Variants in FBXL7 observed in about 807,000 individuals in gnomAD.
FBXL7 encodes the protein F-box/LRR-repeat protein 7.
Under a neutral mutation model 38.3 loss-of-function variants are expected in FBXL7, and 12 were observed. The observed-to-expected ratio is 0.31, with a 90% CI of 0.20 to 0.51. The LOEUF (loss-of-function observed/expected upper bound fraction) is 0.51, where lower values mean the gene tolerates loss of function less well. Ranked by LOEUF, FBXL7 falls within the 20% of genes least tolerant of loss-of-function variation. FBXL7 has a pLI of 0.98. For missense variants in FBXL7, 567 were observed against 676.4 expected, an observed-to-expected ratio of 0.84 and a Z score of 1.79; for synonymous variants, 297 against 300.9, an observed-to-expected ratio of 0.99 and a Z score of 0.13.
chr5:15,759,550 C>G (rs1736387734), intron 2 of FBXL7, among the ~76,000 whole-genome samples: 1 of 152,002 alleles, frequency 6.6e-6, no homozygotes, highest in Non-Finnish European at 1.5e-5. Context: ...TGAAATTATG[C>G]TTTGTAAAAT....
At chr5:15,518,150 C>T (rs746571645) in intron 1 of FBXL7, among the ~76,000 whole-genome samples, 10 of 152,126 alleles carry the variant, frequency 6.6e-5, no homozygotes, top group Admixed American at 3.3e-4. Context: ...ACCACCATGC[C>T]GGGCTAATTT....
At chr5:15,609,450 T>C (rs1740148337) in intron 1 of FBXL7, among the ~76,000 whole-genome samples, 1 of 152,220 alleles carries the variant, frequency 6.6e-6, no homozygotes, top group Non-Finnish European at 1.5e-5. Context: ...GTGTCTTTTG[T>C]GAGTGAATGT....
At chr5:15,918,082 T>C (rs1741646459) in intron 2 of FBXL7, among the ~76,000 whole-genome samples, 1 of 151,794 alleles carries the variant, frequency 6.6e-6, no homozygotes, top group Non-Finnish European at 1.5e-5. Context: ...CTACAAAAAA[T>C]ACAAAAATTA....
chr5:15,869,760 A>T (rs1361928336), intron 2 of FBXL7, among the ~76,000 whole-genome samples: 1 of 152,148 alleles, frequency 6.6e-6, no homozygotes, highest in Non-Finnish European at 1.5e-5. Context: ...TTGGGAATAC[A>T]TATTGTTGCT....
In FBXL7 at chr5:15,928,531, G is replaced by C. The variant is rs748554348; in HGVS notation, c.739+30G>C. The C allele has an allele frequency of 6.3e-7, 1 of 1,583,194 alleles. No homozygotes were observed. The highest frequency in any genetic ancestry group is 1.3e-5 in the African/African-American group (1 of 74,520). ...ATGGACACTGACCTACCAGCTATGG[G>C]CCCTCCTGGTGCACCATCCTAAAAC... On this transcript the variant is annotated intron_variant, in intron 3 of 3. Coordinates refer to ENST00000504595, the MANE Select transcript of FBXL7 (RefSeq NM_012304.5). The surrounding 1 kb of genome is among the most constrained non-coding windows in gnomAD (Gnocchi z 4.0).
chr5:15,843,858 T>C (rs1388059578), intron 2 of FBXL7, among the ~76,000 whole-genome samples: 1 of 151,264 alleles, frequency 6.6e-6, no homozygotes, highest in Non-Finnish European at 1.5e-5. Flanking sequence ...CTATACTATA[T>C]ATATTTAAGC....
chr5:15,923,207 A>C (rs1304290932), intron 2 of FBXL7, among the ~76,000 whole-genome samples: 1 of 152,156 alleles, frequency 6.6e-6, no homozygotes, highest in African/African-American at 2.4e-5. Context: ...ATCAGCAGCT[A>C]TTGCCAATGT....
chr5:15,515,524 A>G (rs1026892812), intron 1 of FBXL7, among the ~76,000 whole-genome samples: 17 of 152,110 alleles, frequency 1.1e-4, no homozygotes, highest in African/African-American at 4.1e-4. Flanking sequence ...TCATTCCTCC[A>G]TGGTCCTGTT....
chr5:15,925,096 A>G (rs1449855630), intron 2 of FBXL7, among the ~76,000 whole-genome samples: 1 of 152,246 alleles, frequency 6.6e-6, no homozygotes, highest in Non-Finnish European at 1.5e-5. Context: ...TGCAAAGCAT[A>G]TGACAAAGGA....
At chr5:15,574,094 G>T (rs2126457157) in intron 1 of FBXL7, among the ~76,000 whole-genome samples, 1 of 152,274 alleles carries the variant, frequency 6.6e-6, no homozygotes, top group Non-Finnish European at 1.5e-5. Context: ...GTCTATACCT[G>T]TCATTATTAT....
chr5:15,590,760 G>A (rs985030356), intron 1 of FBXL7, among the ~76,000 whole-genome samples: 3 of 152,048 alleles, frequency 2.0e-5, no homozygotes, highest in Non-Finnish European at 2.9e-5. Context: ...GTTGAGAGGC[G>A]TTGAGAGCAG....
At chr5:15,690,408 T>C (rs905318772) in intron 2 of FBXL7, among the ~76,000 whole-genome samples, 30 of 152,214 alleles carry the variant, frequency 2.0e-4, no homozygotes, top group African/African-American at 7.0e-4. Context: ...ATTTTATTTT[T>C]AGTTGACACA....
At chr5:15,520,013 A>G (rs1302895970) in intron 1 of FBXL7, among the ~76,000 whole-genome samples, 2 of 152,250 alleles carry the variant, frequency 1.3e-5, no homozygotes, top group Non-Finnish European at 2.9e-5. Context: ...TCTTGATGAT[A>G]TGCTAAACAA....
chr5:15,794,340 A>G (rs1579468225), intron 2 of FBXL7, among the ~76,000 whole-genome samples: 1 of 152,236 alleles, frequency 6.6e-6, no homozygotes, highest in South Asian at 2.1e-4. Flanking sequence ...ATGAGAGATT[A>G]CTGGTAGACA....
chr5:15,892,647 CA>C (rs1166529249), intron 2 of FBXL7, among the ~76,000 whole-genome samples: 1 of 152,150 alleles, frequency 6.6e-6, no homozygotes, highest in African/African-American at 2.4e-5. Flanking sequence ...ATTGATTAAG[CA>C]ACTACTATGT....
intron 2 of FBXL7, among the ~76,000 whole-genome samples, chr5:15,617,238 A>G (rs2126520920): frequency 6.6e-6 from 1 of 152,266 alleles, no homozygotes; most frequent in South Asian, 2.1e-4. Context: ...AAACCTTAGC[A>G]CTGTTTGATG....
intron 2 of FBXL7, among the ~76,000 whole-genome samples, chr5:15,793,992 G>T (rs1170694270): frequency 6.6e-6 from 1 of 152,144 alleles, no homozygotes; most frequent in Non-Finnish European, 1.5e-5. Flanking sequence ...CAGTGGCAAC[G>T]CATTTTTGGA....
chr5:15,789,394 C>A (rs761236123), intron 2 of FBXL7, among the ~76,000 whole-genome samples: 12 of 152,198 alleles, frequency 7.9e-5, no homozygotes, highest in South Asian at 6.2e-4. Flanking sequence ...AGACTATTAC[C>A]GTGTCTAACC....
At chr5:15,660,990 C>T (rs903448402) in intron 2 of FBXL7, among the ~76,000 whole-genome samples, 1 of 152,122 alleles carries the variant, frequency 6.6e-6, no homozygotes, top group African/African-American at 2.4e-5. Flanking sequence ...TAAGATTGAG[C>T]ATCTTGCTTT....
Sources: gnomAD v4.1 joint callset for allele counts (sites outside exome capture counted in the v4.1 genomes callset) on GRCh38, gnomAD v4.1.1 for gene constraint, Gnocchi (gnomAD v3.1) non-coding constraint, MANE v1.5 for transcripts, NCBI Gene and HGNC (gene_info 2026-07-23, HGNC 2026-07-21) for gene names.